The following ATG4C variants were observed in gnomAD, a reference collection of about 807,000 sequenced individuals.
The protein encoded by ATG4C is cysteine protease ATG4C.
ATG4C carries 56 observed loss-of-function variants against 57.6 expected under a neutral mutation model. That is an observed-to-expected ratio of 0.97 (90% CI 0.78 to 1.21). The LOEUF is 1.21. Among genes scored for constraint, ATG4C ranks in the 50% most tolerant of loss-of-function variants. The probability of loss-of-function intolerance (pLI) is 0.00; values close to 1 mark genes in which losing one functional copy is unlikely to be tolerated. For synonymous variants in ATG4C, 157 were observed against 174.1 expected (o/e 0.90, Z 0.78); for missense variants, 595 against 529.8 (o/e 1.12, Z -1.21).
chr1:62,814,486 C>A (rs898493098), intron 3 of ATG4C, among the ~76,000 whole-genome samples: 2 of 152,044 alleles, frequency 1.3e-5, no homozygotes, highest in Non-Finnish European at 2.9e-5. Context: ...AGGAGAAATA[C>A]CTAATGTCAA....
At chr1:62,859,685 A>G (rs915787958) in intron 10 of ATG4C, among the ~76,000 whole-genome samples, 3 of 141,638 alleles carry the variant, frequency 2.1e-5, no homozygotes, top group South Asian at 2.3e-4. Flanking sequence ...TAAATTAACC[A>G]TATCTTTCTG....
At chr1:62,834,733 A>G (rs1557983085) in intron 8 of ATG4C, 43 bp from the exon 9 acceptor site, 12 of 1,482,618 alleles carry the variant, frequency 8.1e-6, no homozygotes, top group Non-Finnish European at 1.1e-5. Flanking sequence ...GTGTAATAAT[A>G]AGGTGTTTTT....
intron 10 of ATG4C, among the ~76,000 whole-genome samples, chr1:62,862,964 C>T (rs1182917493): frequency 1.3e-5 from 2 of 152,002 alleles, no homozygotes; most frequent in East Asian, 3.8e-4. Context: ...TTAGCATTCT[C>T]TGTAAATTGC....
At chr1:62,839,435 A>G (rs143058706) in intron 9 of ATG4C, among the ~76,000 whole-genome samples, 6 of 152,348 alleles carry the variant, frequency 3.9e-5, no homozygotes, top group Admixed American at 1.3e-4. Context: ...TTATTAGACC[A>G]TGTACAAGCT....
chr1:62,837,966 AG>A (rs1195597764), intron 9 of ATG4C, among the ~76,000 whole-genome samples: 1 of 152,148 alleles, frequency 6.6e-6, no homozygotes, highest in Admixed American at 6.6e-5. Flanking sequence ...AATTATCAGT[AG>A]GTACTTTTTA....
intron 7 of ATG4C, among the ~76,000 whole-genome samples, chr1:62,829,739 A>T (rs1313131774): frequency 6.6e-6 from 1 of 152,116 alleles, no homozygotes; most frequent in African/African-American, 2.4e-5. Context: ...TTCTTGCTTC[A>T]AAAGAACCTG....
intron 10 of ATG4C, among the ~76,000 whole-genome samples, chr1:62,843,853 A>G (rs937161670): frequency 6.6e-6 from 1 of 152,206 alleles, no homozygotes; most frequent in Non-Finnish European, 1.5e-5. Flanking sequence ...GTAGACATAT[A>G]TTACATTGAA....
At chr1:62,827,602 T>C (rs1327304041) in intron 6 of ATG4C, among the ~76,000 whole-genome samples, 1 of 152,218 alleles carries the variant, frequency 6.6e-6, no homozygotes, top group Non-Finnish European at 1.5e-5. Context: ...CCCAGTGTCA[T>C]ATAGTAGCTA....
intron 1 of ATG4C, among the ~76,000 whole-genome samples, chr1:62,793,432 C>T (rs1224307215): frequency 6.6e-6 from 1 of 150,600 alleles, no homozygotes; most frequent in Non-Finnish European, 1.5e-5. Context: ...GGCCATATGG[C>T]AAAACCCCAT....
chr1:62,804,142 A>G (rs544369794), intron 2 of ATG4C, among the ~76,000 whole-genome samples: 108 of 145,470 alleles, frequency 7.4e-4, no homozygotes, highest in African/African-American at 2.7e-3. Flanking sequence ...GCTGGAGTGT[A>G]GTGGTGCAAT....
chr1:62,831,997 A>G (rs1008255651), intron 7 of ATG4C, among the ~76,000 whole-genome samples: 1 of 152,192 alleles, frequency 6.6e-6, no homozygotes, highest in African/African-American at 2.4e-5. Flanking sequence ...TCTCTATGAT[A>G]TAAACATTGC....
chr1:62,799,172 C>G (rs1172496455), intron 1 of ATG4C, among the ~76,000 whole-genome samples: 2 of 152,212 alleles, frequency 1.3e-5, no homozygotes, highest in Non-Finnish European at 2.9e-5. Context: ...CCCCTTCAGC[C>G]TCCCAAAGTG....
chr1:62,856,449 T>A (rs760999931), intron 10 of ATG4C, among the ~76,000 whole-genome samples: 2 of 152,234 alleles, frequency 1.3e-5, no homozygotes, highest in African/African-American at 2.4e-5. Context: ...ACACATTAGA[T>A]GCCAGGCAAT....
chr1:62,805,142 G>A (rs192222673), intron 2 of ATG4C, 30 bp from the exon 3 acceptor site: 27 of 1,499,336 alleles, frequency 1.8e-5, no homozygotes, highest in African/African-American at 7.6e-5. Flanking sequence ...ATTACAAAAC[G>A]TTTTCTTTTC....
intron 1 of ATG4C, 55 bp from the exon 2 acceptor site, chr1:62,803,664 G>A: frequency 1.9e-6 from 1 of 516,752 alleles, no homozygotes; most frequent in Non-Finnish European, 3.4e-6. Flanking sequence ...AACAGGTATT[G>A]CTCCATGTAA....
At chr1:62,793,150 T>C (rs1343983261) in intron 1 of ATG4C, among the ~76,000 whole-genome samples, 1 of 150,530 alleles carries the variant, frequency 6.6e-6, no homozygotes, top group African/African-American at 2.4e-5. Flanking sequence ...CCTCCCAAAG[T>C]GCTGGGACTA....
chr1:62,833,610 A>G (rs1051878789), intron 7 of ATG4C, among the ~76,000 whole-genome samples: 1 of 152,168 alleles, frequency 6.6e-6, no homozygotes, highest in African/African-American at 2.4e-5. Context: ...CTAAGACTCA[A>G]GGTTCAATGA....
intron 3 of ATG4C, among the ~76,000 whole-genome samples, chr1:62,807,279 C>G (rs1378158006): frequency 6.6e-6 from 1 of 152,104 alleles, no homozygotes; most frequent in Non-Finnish European, 1.5e-5. Context: ...GGTCTTTGAT[C>G]CCAGTTCCTA....
In ATG4C at chr1:62,843,149, TA is replaced by T. The variant is rs905601018; in HGVS notation, c.1209+1612del. On this transcript the variant is annotated intron_variant, in intron 10 of 10. Transcript: ENST00000317868. The stretch of plus-strand genomic sequence containing the variant: ...ACAAACCAGATTATTATTACCAAAT[TA>T]AAAAAAAAAGCAAAATTAAAAAATG... Among the ~76,000 whole-genome samples, 68 of 147,602 alleles carry T rather than the reference TA, an allele frequency of 4.6e-4. 1 individual carries two copies. The highest frequency in any genetic ancestry group is 1.1e-3 in the African/African-American group (46 of 40,368).
Sources: gnomAD v4.1 joint callset for allele counts (sites outside exome capture counted in the v4.1 genomes callset) on GRCh38, gnomAD v4.1.1 for gene constraint, MANE v1.5 for transcripts, NCBI Gene and HGNC (gene_info 2026-07-23, HGNC 2026-07-21) for gene names.